BCL2L13: variants seen among roughly 807,000 people sequenced by gnomAD.
BCL2L13 encodes the protein bcl-2-like protein 13.
A neutral mutation model predicts 25.8 loss-of-function variants in BCL2L13; 13 were observed. The ratio of observed to expected loss-of-function variants is 0.50; its 90% CI spans 0.33 to 0.80. The LOEUF (loss-of-function observed/expected upper bound fraction) is 0.80. Ranked by LOEUF, BCL2L13 falls within the 30% of genes least tolerant of loss-of-function variation. BCL2L13 has a pLI of 0.02. For synonymous variants in BCL2L13, 244 were observed against 230.3 expected (o/e 1.06, Z -0.54); for missense variants, 504 against 574.9 (o/e 0.88, Z 1.26).
At position 17,662,304 on chromosome 22, in the gene BCL2L13, T is replaced by C. The variant is rs186121597; in HGVS notation, c.121+6472T>C. On this transcript the variant is annotated intron_variant, in intron 2 of 6. Coordinates refer to ENST00000317582, the MANE Select transcript of BCL2L13 (RefSeq NM_015367.4). ...CCATCCTGGCTAACACAGTGAAACC[T>C]CGTCTCTACTGAAAAAAACAAAAAT... is the stretch of plus-strand genomic sequence containing the variant. Among the ~76,000 whole-genome samples, 950 of 151,876 alleles carry C rather than the reference T, an allele frequency of 6.3e-3. 5 individuals are homozygous for C. The highest frequency in any genetic ancestry group is 0.022 in the African/African-American group (902 of 41,416).
chr22:17,681,481 A>G (rs1215580012), intron 2 of BCL2L13, among the ~76,000 whole-genome samples: 1 of 151,488 alleles, frequency 6.6e-6, no homozygotes, highest in Non-Finnish European at 1.5e-5. Context: ...CCTGGGGGAC[A>G]GAGCGAGACT....
At chr22:17,653,955 A>G (rs1216864889) in intron 1 of BCL2L13, among the ~76,000 whole-genome samples, 4 of 151,958 alleles carry the variant, frequency 2.6e-5, no homozygotes, top group African/African-American at 9.7e-5. Flanking sequence ...TATTTTTGTT[A>G]TAAGTATTTT....
chr22:17,724,406 A>G (rs1335226683), intron 6 of BCL2L13, among the ~76,000 whole-genome samples: 1 of 152,232 alleles, frequency 6.6e-6, no homozygotes, highest in African/African-American at 2.4e-5. Flanking sequence ...GATACAAGCC[A>G]GTTGTTTTTG....
chr22:17,720,854 A>AAT (rs1213885205), intron 6 of BCL2L13, among the ~76,000 whole-genome samples: 4 of 151,916 alleles, frequency 2.6e-5, no homozygotes, highest in Non-Finnish European at 5.9e-5. Flanking sequence ...ATACTAAAAG[A>AAT]ATAAAAAGTT....
intron 2 of BCL2L13, among the ~76,000 whole-genome samples, chr22:17,667,817 T>C (rs1337748642): frequency 6.6e-6 from 1 of 151,736 alleles, no homozygotes; most frequent in Non-Finnish European, 1.5e-5. Flanking sequence ...TTGTAAGAAT[T>C]CTTTATATGT....
At chr22:17,714,586 G>A (rs2060859459) in intron 6 of BCL2L13, among the ~76,000 whole-genome samples, 1 of 152,214 alleles carries the variant, frequency 6.6e-6, no homozygotes, top group Admixed American at 6.5e-5. Flanking sequence ...ATCAGCTTAG[G>A]TAGCTTGGGG....
At chr22:17,643,700 T>C (rs2058369596) in intron 1 of BCL2L13, among the ~76,000 whole-genome samples, 1 of 152,064 alleles carries the variant, frequency 6.6e-6, no homozygotes, top group Admixed American at 6.6e-5. Flanking sequence ...CGATCTCGGC[T>C]CACTGCACGC....
At chr22:17,677,486 G>A (rs1223768870) in intron 2 of BCL2L13, among the ~76,000 whole-genome samples, 2 of 151,854 alleles carry the variant, frequency 1.3e-5, no homozygotes, top group Non-Finnish European at 2.9e-5. Context: ...TAATCCCAGC[G>A]TGAGGGAGGC....
At chr22:17,696,293 A>G (rs2060262400) in intron 5 of BCL2L13, 83 bp downstream of exon 5, 5 of 1,151,370 alleles carry the variant, frequency 4.3e-6, no homozygotes, top group Non-Finnish European at 5.2e-6. Flanking sequence ...CATCATCAGC[A>G]GAAAACTGTT....
chr22:17,696,622 C>T (rs1048403351), intron 5 of BCL2L13, among the ~76,000 whole-genome samples: 14 of 152,136 alleles, frequency 9.2e-5, no homozygotes, highest in Admixed American at 6.5e-4. Flanking sequence ...CACAGTGTCT[C>T]GTGTCACATA....
Position 17,702,295 on chromosome 22 carries a change from G to A in BCL2L13, c.509G>A (p.Arg170His), listed in dbSNP as rs770528843. 1.7e-5 allele frequency: 28 copies of A among 1,611,568 alleles called. No individual in the cohort carries two copies. Among genetic ancestry groups the A allele is most frequent in the African/African-American group, 2.7e-5 (2 of 74,770 alleles). ...CAAATGCTTTTGGAATTGACAAGAC[G>A]TGGTCAAGAACCTTTGAGCGCACTG... ...LRQMLLELTR[R>H]GQEPLSALLQ... Residue 170 changes from arginine (R) to histidine (H), a missense_variant, in exon 6 of 7, where the codon CGT (arginine) becomes CAT (histidine). Coordinates refer to ENST00000317582, the MANE Select transcript of BCL2L13 (RefSeq NM_015367.4).
At chr22:17,631,134 T>TC (rs1175392547) in intron 1 of BCL2L13, among the ~76,000 whole-genome samples, 1 of 151,304 alleles carries the variant, frequency 6.6e-6, no homozygotes, top group Non-Finnish European at 1.5e-5. Flanking sequence ...CAGAAGAGTG[T>TC]CGCTCATGCT....
chr22:17,690,743 G>A (rs117329503), intron 4 of BCL2L13, among the ~76,000 whole-genome samples: 2,683 of 152,198 alleles, frequency 0.018, 37 homozygotes, highest in East Asian at 0.084. Context: ...TCCAACCTGG[G>A]CAACAGAGCA....
intron 3 of BCL2L13, among the ~76,000 whole-genome samples, chr22:17,687,177 G>T (rs1013820296): frequency 1.8e-4 from 28 of 152,246 alleles, no homozygotes; most frequent in African/African-American, 6.7e-4. Flanking sequence ...TTGGGAGTGG[G>T]TGCAAGCGGC....
intron 6 of BCL2L13, among the ~76,000 whole-genome samples, chr22:17,706,180 G>A (rs143359749): frequency 5.9e-5 from 9 of 152,020 alleles, no homozygotes; most frequent in African/African-American, 2.2e-4. Flanking sequence ...TACCACACTT[G>A]GCTTATTTTT....
intron 2 of BCL2L13, among the ~76,000 whole-genome samples, chr22:17,682,061 T>C (rs2059772637): frequency 6.6e-6 from 1 of 152,236 alleles, no homozygotes; most frequent in African/African-American, 2.4e-5. Context: ...TCACTAAAAC[T>C]AACTTGGGTG....
At chr22:17,679,167 T>C (rs542494373) in intron 2 of BCL2L13, among the ~76,000 whole-genome samples, 25 of 152,238 alleles carry the variant, frequency 1.6e-4, no homozygotes, top group Non-Finnish European at 2.9e-4. Flanking sequence ...CCTGAATGCT[T>C]CTGGCTAAAA....
At chr22:17,649,871 C>CTTT (rs71201855) in intron 1 of BCL2L13, among the ~76,000 whole-genome samples, 9,812 of 94,156 alleles carry the variant, frequency 0.1, 496 homozygotes, top group Non-Finnish European at 0.13. Context: ...TTTTTCTTTT[C>CTTT]TTTTTTTTTT....
At chr22:17,704,473 G>A (rs1022317570) in intron 6 of BCL2L13, among the ~76,000 whole-genome samples, 1 of 151,930 alleles carries the variant, frequency 6.6e-6, no homozygotes, top group Non-Finnish European at 1.5e-5. Flanking sequence ...CCATTTGCTT[G>A]TGTTTAAAAC....
Sources: allele counts gnomAD v4.1 joint callset (sites outside exome capture counted in the v4.1 genomes callset), GRCh38; gene constraint gnomAD v4.1.1; transcripts MANE v1.5; gene names NCBI Gene and HGNC (gene_info 2026-07-23, HGNC 2026-07-21).